The following DLG2 variants were observed in gnomAD, a reference collection of about 807,000 sequenced individuals.
The protein encoded by DLG2 is disks large homolog 2.
A neutral mutation model predicts 132.5 loss-of-function variants in DLG2; 45 were observed. The observed-to-expected ratio is 0.34, with a 90% CI of 0.27 to 0.44. DLG2 has a LOEUF of 0.44. DLG2 is among the 20% of genes least tolerant of loss of function. DLG2 has a pLI of 1.00. For missense variants in DLG2, 1,045 were observed against 1,196.9 expected (o/e 0.87, Z 1.87); for synonymous variants, 424 against 419.6 (o/e 1.01, Z -0.13).
At chr11:84,915,903 T>C (rs1221554161) in intron 6 of DLG2, among the ~76,000 whole-genome samples, 1 of 152,186 alleles carries the variant, frequency 6.6e-6, no homozygotes, top group African/African-American at 2.4e-5. Flanking sequence ...ACACAGTTCC[T>C]GCCCTCAAGT....
intron 6 of DLG2, among the ~76,000 whole-genome samples, chr11:84,540,127 A>T (rs1197718108): frequency 6.6e-6 from 1 of 152,196 alleles, no homozygotes; most frequent in African/African-American, 2.4e-5. Flanking sequence ...GGACATAGGC[A>T]TGGGCAAGAA....
At chr11:85,197,134 A>G (rs2081127875) in intron 4 of DLG2, among the ~76,000 whole-genome samples, 1 of 152,232 alleles carries the variant, frequency 6.6e-6, no homozygotes, top group South Asian at 2.1e-4. Flanking sequence ...CTAGGCCTCT[A>G]TACAATCAGA....
intron 7 of DLG2, among the ~76,000 whole-genome samples, chr11:84,359,842 T>A (rs1567398967): frequency 6.6e-6 from 1 of 151,986 alleles, no homozygotes; most frequent in Non-Finnish European, 1.5e-5. Flanking sequence ...TTATGCTTTC[T>A]CCACAGTAAT....
At chr11:84,903,689 T>C (rs2091181606) in intron 6 of DLG2, among the ~76,000 whole-genome samples, 1 of 152,068 alleles carries the variant, frequency 6.6e-6, no homozygotes, top group Non-Finnish European at 1.5e-5. Flanking sequence ...AACTACAAAA[T>C]TAGGATAGTT....
intron 8 of DLG2, among the ~76,000 whole-genome samples, chr11:84,201,643 T>C (rs1191482686): frequency 1.3e-5 from 2 of 151,386 alleles, no homozygotes; most frequent in African/African-American, 4.9e-5. Flanking sequence ...ACATTACTGG[T>C]CTATTCAGGG....
chr11:84,844,365 G>T (rs1404656433), intron 6 of DLG2, among the ~76,000 whole-genome samples: 1 of 151,428 alleles, frequency 6.6e-6, no homozygotes, highest in Non-Finnish European at 1.5e-5. Context: ...ATACAAAATG[G>T]GTATATCTGT....
chr11:83,850,231 G>A (rs987700331), intron 16 of DLG2, among the ~76,000 whole-genome samples: 2 of 151,018 alleles, frequency 1.3e-5, no homozygotes, highest in African/African-American at 4.9e-5. Context: ...CCGGCTCACT[G>A]CAACCTCCGC....
chr11:83,871,638 G>GCTCAGTCACAGTGATTATGTGC (rs6144417), intron 16 of DLG2, among the ~76,000 whole-genome samples: 62,622 of 151,772 alleles, frequency 0.41, 13,403 homozygotes, highest in Middle Eastern at 0.53. Flanking sequence ...CCCACTATGT[G>GCTCAGTCACAGTGATTATGTGC]CACGTTATCT....
intron 8 of DLG2, among the ~76,000 whole-genome samples, chr11:84,236,921 ATGTTTTTTTTTT>A (rs936374787): frequency 3.4e-5 from 5 of 146,198 alleles, no homozygotes; most frequent in African/African-American, 1.3e-4. Flanking sequence ...AAGCATCAGT[ATGTTTTTTTTTT>A]TGTTTTTTTT....
intron 6 of DLG2, among the ~76,000 whole-genome samples, chr11:84,859,204 T>C (rs911085720): frequency 6.6e-6 from 1 of 151,134 alleles, no homozygotes; most frequent in Non-Finnish European, 1.5e-5. Flanking sequence ...AAAATGTAAT[T>C]TGTTGCTCTT....
chr11:84,711,436 G>T (rs2060441739), intron 6 of DLG2, among the ~76,000 whole-genome samples: 1 of 111,218 alleles, frequency 9.0e-6, no homozygotes, highest in Non-Finnish European at 1.7e-5. Context: ...ACACACATAT[G>T]AATTGGTTCC....
chr11:84,675,069 A>T (rs1565629411), intron 6 of DLG2, among the ~76,000 whole-genome samples: 1 of 152,186 alleles, frequency 6.6e-6, no homozygotes, highest in East Asian at 1.9e-4. Flanking sequence ...CTTTATTTGC[A>T]TCAAGTTGCA....
At chr11:84,916,428 A>G (rs1243063582) in intron 6 of DLG2, among the ~76,000 whole-genome samples, 2 of 150,048 alleles carry the variant, frequency 1.3e-5, no homozygotes, top group African/African-American at 4.9e-5. Context: ...TTTTTCTCTA[A>G]TTAATACAGC....
chr11:84,745,365 A>G (rs890634876), intron 6 of DLG2, among the ~76,000 whole-genome samples: 2 of 152,136 alleles, frequency 1.3e-5, no homozygotes, highest in African/African-American at 4.8e-5. Flanking sequence ...TTAAAAGTGT[A>G]TAGCCCTGTT....
chr11:84,135,173 A>C (rs539981251), intron 9 of DLG2, among the ~76,000 whole-genome samples: 1 of 152,268 alleles, frequency 6.6e-6, no homozygotes, highest in South Asian at 2.1e-4. Context: ...AACACATGAT[A>C]GGTGATCAGT....
chr11:84,331,622 G>A (rs2098459829), intron 7 of DLG2, among the ~76,000 whole-genome samples: 3 of 150,896 alleles, frequency 2.0e-5, no homozygotes, highest in African/African-American at 4.9e-5. Flanking sequence ...GTGGTGGTGG[G>A]AAACAAATTC....
intron 4 of DLG2, among the ~76,000 whole-genome samples, chr11:85,271,826 C>G (rs556241653): frequency 6.6e-6 from 1 of 152,292 alleles, no homozygotes; most frequent in South Asian, 2.1e-4. Context: ...TAGGAAGCAA[C>G]TCACTTGCTT....
At chr11:84,214,997 C>T (rs1055127585) in intron 8 of DLG2, among the ~76,000 whole-genome samples, 2 of 152,168 alleles carry the variant, frequency 1.3e-5, no homozygotes, top group Admixed American at 1.3e-4. Context: ...AGCTATTAGT[C>T]ATGTCATGGT....
At chr11:84,183,966 A>G (rs898452074) in intron 8 of DLG2, among the ~76,000 whole-genome samples, 42 of 151,924 alleles carry the variant, frequency 2.8e-4, no homozygotes, top group African/African-American at 8.5e-4. Flanking sequence ...TTCTTAATCC[A>G]GTCTATCATT....
Sources: gnomAD v4.1 joint callset for allele counts (sites outside exome capture counted in the v4.1 genomes callset) on GRCh38, gnomAD v4.1.1 for gene constraint, MANE v1.5 for transcripts, NCBI Gene and HGNC (gene_info 2026-07-23, HGNC 2026-07-21) for gene names.